The following FAM3B variants were observed in gnomAD, a reference collection of about 807,000 sequenced individuals.
The protein encoded by FAM3B is protein FAM3B.
In FAM3B, 29 loss-of-function variants were observed where a neutral mutation model predicts 28.4. The observed-to-expected ratio is 1.02, with a 90% CI of 0.76 to 1.39. FAM3B has a LOEUF of 1.39. Ranked by LOEUF, FAM3B falls within the 40% of genes most tolerant of loss-of-function variation. The pLI, the probability that FAM3B is intolerant of heterozygous loss-of-function variation, is 0.00. For synonymous variants in FAM3B, 91 were observed against 103.0 expected (o/e 0.88, Z 0.71); for missense variants, 266 against 293.9 (o/e 0.91, Z 0.69).
At chr21:41,348,508 C>T (rs2089084524) in intron 6 of FAM3B, 84 bp from the exon 7 acceptor site, 1 of 1,510,460 alleles carries the variant, frequency 6.6e-7, no homozygotes. Flanking sequence ...TCCAAGGATG[C>T]ACAGCGTAAC....
intron 2 of FAM3B, among the ~76,000 whole-genome samples, chr21:41,336,286 C>T (rs1039970536): frequency 1.3e-5 from 2 of 152,138 alleles, no homozygotes; most frequent in Non-Finnish European, 1.5e-5. Flanking sequence ...CTTTGGGAGG[C>T]CGAGGTGGGT....
At chr21:41,344,861 C>T (rs1170914711) in intron 4 of FAM3B, among the ~76,000 whole-genome samples, 2 of 152,184 alleles carry the variant, frequency 1.3e-5, no homozygotes, top group Admixed American at 6.5e-5. Flanking sequence ...CTCATTTGCT[C>T]CCAGAGTCCC....
At chr21:41,319,552 G>T (rs73226109) in intron 1 of FAM3B, 5,645 of 152,424 alleles carry the variant, frequency 0.037, 141 homozygotes, top group Middle Eastern at 0.16. Flanking sequence ...CCTCCCATCG[G>T]GGCAGGCCCA....
intron 7 of FAM3B, among the ~76,000 whole-genome samples, chr21:41,350,487 G>C (rs1476821078): frequency 6.6e-6 from 1 of 152,176 alleles, no homozygotes; most frequent in Admixed American, 6.5e-5. Context: ...TCTCAGAGTG[G>C]AGTCCTGTAA....
intron 2 of FAM3B, among the ~76,000 whole-genome samples, chr21:41,337,332 G>A (rs970195645): frequency 1.2e-4 from 18 of 152,186 alleles, no homozygotes; most frequent in African/African-American, 1.9e-4. Flanking sequence ...ACAACTACTC[G>A]GGGATCTGAG....
intron 7 of FAM3B, among the ~76,000 whole-genome samples, chr21:41,356,535 G>A (rs545389883): frequency 1.4e-4 from 22 of 152,210 alleles, no homozygotes; most frequent in South Asian, 6.2e-4. Context: ...TACCTCCTTT[G>A]CACCATTGTA....
intron 2 of FAM3B, among the ~76,000 whole-genome samples, chr21:41,337,825 A>C (rs749104466): frequency 1.3e-5 from 2 of 151,286 alleles, no homozygotes; most frequent in African/African-American, 4.9e-5. Context: ...TGTGTGTGAT[A>C]CATCATGTGG....
intron 1 of FAM3B, among the ~76,000 whole-genome samples, chr21:41,311,099 T>C (rs1273248014): frequency 2.0e-5 from 3 of 151,156 alleles, no homozygotes; most frequent in Non-Finnish European, 4.4e-5. Flanking sequence ...CTCAAACATT[T>C]TGCTCTCAGG....
chr21:41,337,410 C>G (rs1468828960), intron 2 of FAM3B, among the ~76,000 whole-genome samples: 1 of 152,168 alleles, frequency 6.6e-6, no homozygotes, highest in Non-Finnish European at 1.5e-5. Context: ...CAGGGGTGTT[C>G]AGGGCCAGGT....
At position 41,311,249 on chromosome 21, in the gene FAM3B, AAAATATATATATATATATAT is replaced by A. The variant is rs1431526510; in HGVS notation, n.99+6941_99+6960del. Among the ~76,000 whole-genome samples, 134 of 56,644 alleles carry A rather than the reference AAAATATATATATATATATAT, an allele frequency of 2.4e-3. 3 individuals carry two copies. Among genetic ancestry groups the A allele is most frequent in the Admixed American group, 5.5e-3 (22 of 4,010 alleles). 37.2% of individuals were successfully genotyped at this position (56,644 alleles called of 152,430 possible). On this transcript the variant is annotated intron_variant and non_coding_transcript_variant, in intron 1 of 9. Coordinates refer to the FAM3B transcript ENST00000479810. ...ACCCTGTCTCTACAAAAAAAAAAAA[AAAATATATATATATATATAT>A]ATATATATATATATATATATATATA...
At chr21:41,339,573 C>G (rs2088985537) in intron 3 of FAM3B, among the ~76,000 whole-genome samples, 3 of 152,104 alleles carry the variant, frequency 2.0e-5, no homozygotes, top group Non-Finnish European at 4.4e-5. Context: ...AGTCTTACCC[C>G]CTTAAGTTCT....
At chr21:41,338,734 CG>C (rs1341130173) in intron 3 of FAM3B, among the ~76,000 whole-genome samples, 1 of 152,150 alleles carries the variant, frequency 6.6e-6, no homozygotes, top group Admixed American at 6.5e-5. Context: ...TTTACGGTTT[CG>C]TTTGACTGCA....
At chr21:41,356,100 GA>G (rs1478909558) in intron 7 of FAM3B, among the ~76,000 whole-genome samples, 1 of 150,006 alleles carries the variant, frequency 6.7e-6, no homozygotes, top group Non-Finnish European at 1.5e-5. Context: ...TTTACTCCCA[GA>G]GTTGAAAACT....
rs183635372 is a variant in FAM3B at position 41,357,108 on chromosome 21, A to T, written c.619A>T (p.Ile207Phe). ...ELPSEIQREK[I>F]NHSDAKNNRY... ...TAAAACTCTTCTTTTCTCTACACAGATCAACCACTCTGATGCTAAGAACAA... is the reference window on the plus strand; with the variant it reads ...TAAAACTCTTCTTTTCTCTACACAGTTCAACCACTCTGATGCTAAGAACAA... Residue 207 changes from isoleucine to phenylalanine, a missense_variant and splice_region_variant, in exon 8 of 8, where the codon ATC becomes TTC. Transcript: ENST00000357985. 46 of 1,611,090 alleles carry T rather than the reference A, an allele frequency of 2.9e-5. No individual in the cohort carries two copies. In the East Asian group the frequency reaches 1.0e-3, roughly 35 times the overall value.
rs536984146 is a variant in FAM3B, at chr21:41,336,309, G to A, written c.164-2069G>A. ...GGCCGAGGTGGGTGGATCACCTGAG[G>A]TCAAGAGTTCAAGACCAGCTTGGCC... On this transcript the variant is annotated intron_variant, in intron 2 of 7. Transcript: ENST00000357985. Among the ~76,000 whole-genome samples the A allele has an allele frequency of 7.9e-5, 12 of 152,262 alleles. No individual in the cohort carries two copies. In the South Asian group the frequency reaches 2.5e-3, roughly 32 times the overall value.
chr21:41,310,469 T>C (rs1317184191), intron 1 of FAM3B, among the ~76,000 whole-genome samples: 2 of 152,172 alleles, frequency 1.3e-5, no homozygotes, highest in African/African-American at 4.8e-5. Flanking sequence ...CATATCTGTG[T>C]CACTTTTGTG....
At chr21:41,335,232 T>A (rs956560077) in intron 2 of FAM3B, among the ~76,000 whole-genome samples, 8 of 152,122 alleles carry the variant, frequency 5.3e-5, no homozygotes, top group African/African-American at 1.7e-4. Context: ...TGGGGGACTA[T>A]TGGGAAAGCA....
chr21:41,330,262 G>T (rs754808344), intron 2 of FAM3B, among the ~76,000 whole-genome samples: 1 of 152,120 alleles, frequency 6.6e-6, no homozygotes, highest in Non-Finnish European at 1.5e-5. Flanking sequence ...TCATCAGAGC[G>T]TTTTGGATTT....
intron 1 of FAM3B, chr21:41,304,332 G>A (rs541497489): frequency 1.3e-5 from 6 of 455,680 alleles, no homozygotes; most frequent in Admixed American, 2.4e-5. Flanking sequence ...CGGGGCTGGC[G>A]TGGGGAGGGG....
Sources: gnomAD v4.1 joint callset for allele counts (sites outside exome capture counted in the v4.1 genomes callset) on GRCh38, gnomAD v4.1.1 for gene constraint, MANE v1.5 for transcripts, NCBI Gene and HGNC (gene_info 2026-07-23, HGNC 2026-07-21) for gene names.